Variants in GINS1 observed in about 807,000 individuals in gnomAD.
The protein encoded by GINS1 is GINS complex subunit 1, also known as DNA replication complex GINS protein PSF1.
GINS1 carries 26 observed loss-of-function variants against 34.9 expected under a neutral mutation model. The observed-to-expected ratio is 0.74, with a 90% CI of 0.55 to 1.03. The LOEUF is 1.03. Among genes scored for constraint, GINS1 ranks in the 50% least tolerant of loss-of-function variants. The pLI is 0.00. For synonymous variants in GINS1, 97 were observed against 84.4 expected, an observed-to-expected ratio of 1.15 and a Z score of -0.82; for missense variants, 235 against 237.9, an observed-to-expected ratio of 0.99 and a Z score of 0.08.
chr20:25,434,979 T>G (rs2146216221), intron 5 of GINS1, among the ~76,000 whole-genome samples: 1 of 152,348 alleles, frequency 6.6e-6, no homozygotes, highest in Admixed American at 6.5e-5. Flanking sequence ...GGCAGAGCCC[T>G]TATGCCCTGA....
intron 5 of GINS1, among the ~76,000 whole-genome samples, chr20:25,429,816 C>T (rs982321151): frequency 6.6e-6 from 1 of 152,142 alleles, no homozygotes; most frequent in Non-Finnish European, 1.5e-5. Context: ...TTTTTCTTGT[C>T]TAATTACTCT....
At chr20:25,408,905 A>C in intron 1 of GINS1, 6 of 983,664 alleles carry the variant, frequency 6.1e-6, no homozygotes, top group Non-Finnish European at 7.2e-6. Context: ...GTCAGGACAC[A>C]TTCTGCTGGA....
intron 5 of GINS1, among the ~76,000 whole-genome samples, chr20:25,440,810 CAAAAAAAA>C (rs60014594): frequency 2.2e-4 from 15 of 69,092 alleles, no homozygotes; most frequent in African/African-American, 4.7e-4. Context: ...GACTCTGTCT[CAAAAAAAA>C]AAAAAAAAAA....
Position 25,407,717 on chromosome 20 carries a change from C to T in GINS1, c.-104C>T, listed in dbSNP as rs997311187. ...AGCGGAGGCCGAGGCGAGAGCCTGG[C>T]GCTGTAGGACTAGAACGAAAGGAGT... On this transcript the variant is annotated 5_prime_UTR_variant, in exon 1 of 7. Transcript: ENST00000262460. 3 of 880,118 alleles carry T rather than the reference C, an allele frequency of 3.4e-6. No individual in the cohort carries two copies. The highest frequency in any genetic ancestry group is 3.3e-5 in the African/African-American group (2 of 60,194). The allele number at this position is 880,118 out of a possible 1,614,324, so 54.5% of individuals were successfully genotyped here.
At position 25,419,319 on chromosome 20, in the gene GINS1, A is replaced by G. The variant is rs924581280; in HGVS notation, c.330+1124A>G. ...ACCTATGTAACAAACCTGCACGTTCAGCACATGTATCCCAGAACTTAAAGA... is the reference window on the plus strand; with the variant it reads ...ACCTATGTAACAAACCTGCACGTTCGGCACATGTATCCCAGAACTTAAAGA... On this transcript the variant is annotated intron_variant, in intron 4 of 6. Transcript: ENST00000262460. Among the ~76,000 whole-genome samples, 7 of 150,964 alleles carry G rather than the reference A, an allele frequency of 4.6e-5. No homozygotes were observed. In the South Asian group the frequency reaches 1.5e-3, roughly 32 times the overall value.
intron 5 of GINS1, among the ~76,000 whole-genome samples, chr20:25,426,964 C>T (rs763550064): frequency 1.1e-4 from 16 of 152,084 alleles, no homozygotes; most frequent in South Asian, 4.2e-4. Flanking sequence ...CTGCTATGAA[C>T]GTGGATATAT....
chr20:25,410,433 A>T (rs567907707), intron 1 of GINS1, among the ~76,000 whole-genome samples: 12 of 152,154 alleles, frequency 7.9e-5, no homozygotes, highest in Non-Finnish European at 1.6e-4. Context: ...TGACAAACCC[A>T]CCTGATACTC....
chr20:25,432,592 G>A (rs1483797218), intron 5 of GINS1, among the ~76,000 whole-genome samples: 4 of 151,822 alleles, frequency 2.6e-5, no homozygotes, highest in South Asian at 2.1e-4. Context: ...TCAGCCTCCC[G>A]AGTAGCTGGG....
chr20:25,439,927 G>A (rs1010612523), intron 5 of GINS1, among the ~76,000 whole-genome samples: 10 of 151,356 alleles, frequency 6.6e-5, no homozygotes, highest in African/African-American at 1.5e-4. Context: ...CCTGGGAAGC[G>A]GAGGTTCCAG....
At chr20:25,445,063 A>T (rs2090503533) in intron 6 of GINS1, among the ~76,000 whole-genome samples, 1 of 152,248 alleles carries the variant, frequency 6.6e-6, no homozygotes, top group African/African-American at 2.4e-5. Context: ...ATAAACACTA[A>T]GTACAATACC....
chr20:25,431,250 A>C (rs2090425327), intron 5 of GINS1, among the ~76,000 whole-genome samples: 2 of 152,150 alleles, frequency 1.3e-5, no homozygotes, highest in South Asian at 4.1e-4. Context: ...ATTGGTAGTA[A>C]TGTCCTCACT....
chr20:25,412,525 A>C (rs2090292666), intron 1 of GINS1, among the ~76,000 whole-genome samples: 1 of 152,246 alleles, frequency 6.6e-6, no homozygotes, highest in Non-Finnish European at 1.5e-5. Context: ...ATTGCACTCC[A>C]GCCCAGGCGA....
intron 5 of GINS1, among the ~76,000 whole-genome samples, chr20:25,439,500 T>G (rs1478623663): frequency 4.0e-5 from 6 of 151,746 alleles, no homozygotes; most frequent in African/African-American, 1.5e-4. Flanking sequence ...ACTCACCCAA[T>G]TTTTTCAACA....
intron 2 of GINS1, among the ~76,000 whole-genome samples, chr20:25,415,193 C>T (rs952480883): frequency 1.3e-5 from 2 of 152,160 alleles, no homozygotes; most frequent in Admixed American, 1.3e-4. Context: ...TTTCCAACTC[C>T]TGTGTATAAG....
Position 25,425,278 on chromosome 20 carries a change from G to A in GINS1, c.398G>A (p.Gly133Asp). 1 of 1,572,260 alleles carries A rather than the reference G, an allele frequency of 6.4e-7. No individual in the cohort carries two copies. Among genetic ancestry groups the A allele is most frequent in the Non-Finnish European group, 8.8e-7 (1 of 1,142,574 alleles). ...ATGAGGTCACTGGGAGGAGATGAAG[G>A]TTTGGACATTACACAGGATATGAAA... ...TYMRSLGGDEGLDITQDMKPP... is the reference protein window; with the variant it reads ...TYMRSLGGDEDLDITQDMKPP... The change falls in exon 5 of 7, where the codon GGT becomes GAT. Residue 133 changes from glycine to aspartate, a missense_variant. Gly to Asp is a moderately conservative substitution (Grantham distance 94). Coordinates refer to ENST00000262460, the MANE Select transcript of GINS1 (RefSeq NM_021067.5).
intron 1 of GINS1, among the ~76,000 whole-genome samples, chr20:25,408,580 C>T (rs375900678): frequency 1.7e-4 from 26 of 152,162 alleles, no homozygotes; most frequent in African/African-American, 6.0e-4. Flanking sequence ...TTTGAGGGCC[C>T]GGTACCATGG....
chr20:25,408,924 A>G (rs2090264898), intron 1 of GINS1: 1 of 983,640 alleles, frequency 1.0e-6, no homozygotes, highest in Non-Finnish European at 1.2e-6. Context: ...GAAGATGGGC[A>G]CAAAAACAGA....
intron 5 of GINS1, among the ~76,000 whole-genome samples, chr20:25,436,012 C>T (rs1341028309): frequency 5.4e-5 from 8 of 148,124 alleles, no homozygotes; most frequent in African/African-American, 1.2e-4. Context: ...TTAGTAGAGA[C>T]GGGGTTTCAC....
intron 5 of GINS1, among the ~76,000 whole-genome samples, chr20:25,438,168 C>A (rs138665148): frequency 6.6e-6 from 1 of 151,272 alleles, no homozygotes; most frequent in African/African-American, 2.4e-5. Flanking sequence ...CCGAAAAGGC[C>A]TAGAAACAAT....
Sources: gnomAD v4.1 joint callset for allele counts (sites outside exome capture counted in the v4.1 genomes callset) on GRCh38, gnomAD v4.1.1 for gene constraint, MANE v1.5 for transcripts, NCBI Gene and HGNC (gene_info 2026-07-23, HGNC 2026-07-21) for gene names.